Variants in TENM2 observed in about 807,000 individuals in gnomAD.
TENM2 encodes the protein teneurin-2.
A neutral mutation model predicts 245.2 loss-of-function variants in TENM2; 52 were observed. The observed-to-expected ratio is 0.21, with a 90% CI of 0.17 to 0.27. TENM2 has a LOEUF of 0.27. TENM2 is among the 10% of genes least tolerant of loss of function. The pLI, the probability that TENM2 is intolerant of heterozygous loss-of-function variation, is 1.00. For synonymous variants in TENM2, 1,363 were observed against 1,438.9 expected (o/e 0.95, Z 1.19); for missense variants, 3,046 against 3,666.8 (o/e 0.83, Z 4.37).
chr5:167,457,027 C>T (rs1480424618), intron 2 of TENM2, among the ~76,000 whole-genome samples: 2 of 152,164 alleles, frequency 1.3e-5, no homozygotes, highest in East Asian at 3.9e-4. Context: ...CTTCTTCTCA[C>T]CGGCCTTTCT....
chr5:168,149,848 C>T (rs1033833902), intron 12 of TENM2, among the ~76,000 whole-genome samples: 1 of 152,236 alleles, frequency 6.6e-6, no homozygotes, highest in Admixed American at 6.5e-5. Flanking sequence ...CCTCTCTGTC[C>T]TTCCAACACC....
At chr5:167,375,244 A>T (rs1760676781) in exon 2 of TENM2, 7 of 1,551,526 alleles carry the variant, frequency 4.5e-6, no homozygotes, top group Non-Finnish European at 6.1e-6. Context: ...AGCCCTCCCC[A>T]CACCGAAGCG....
At chr5:167,374,121 A>G (rs1760602173) in intron 1 of TENM2, among the ~76,000 whole-genome samples, 1 of 152,210 alleles carries the variant, frequency 6.6e-6, no homozygotes, top group Admixed American at 6.5e-5. Flanking sequence ...CACATTACAT[A>G]TACATACCTA....
chr5:167,967,211 AG>A (rs1288890754), intron 4 of TENM2: 1 of 152,078 alleles, frequency 6.6e-6, no homozygotes, highest in Non-Finnish European at 1.5e-5. Context: ...GATGGAGGCA[AG>A]GGAGGTGGCA....
chr5:168,031,404 A>C (rs1787130213), intron 5 of TENM2, among the ~76,000 whole-genome samples: 1 of 152,316 alleles, frequency 6.6e-6, no homozygotes, highest in East Asian at 1.9e-4. Context: ...GGAATTTCAG[A>C]GATTTTTCTC....
the TENM2 span, among the ~76,000 whole-genome samples, chr5:167,159,180 T>G: frequency 6.6e-6 from 1 of 151,918 alleles, no homozygotes; most frequent in Non-Finnish European, 1.5e-5. Context: ...TGACCTCAGG[T>G]GATCTGCCCA....
chr5:167,937,489 A>G (rs1778816316), intron 3 of TENM2, among the ~76,000 whole-genome samples: 1 of 152,204 alleles, frequency 6.6e-6, no homozygotes. Context: ...CCCACCAGCA[A>G]TGTGTGAGAG....
At chr5:167,135,236 A>G in the TENM2 span, among the ~76,000 whole-genome samples, 2 of 152,214 alleles carry the variant, frequency 1.3e-5, no homozygotes, top group Non-Finnish European at 2.9e-5. Context: ...CACTTTCAAA[A>G]TAGGAAACAT....
chr5:167,968,546 A>G (rs996243907), intron 4 of TENM2, among the ~76,000 whole-genome samples: 1 of 152,214 alleles, frequency 6.6e-6, no homozygotes, highest in South Asian at 2.1e-4. Flanking sequence ...ATACTCCTGT[A>G]AAGGTATTGC....
chr5:167,399,899 T>C (rs998648365), intron 2 of TENM2, among the ~76,000 whole-genome samples: 8 of 151,618 alleles, frequency 5.3e-5, no homozygotes, highest in African/African-American at 2.0e-4. Flanking sequence ...ATAGATCACA[T>C]CTTAAGCTGA....
chr5:167,391,621 T>C (rs1581919540), intron 2 of TENM2, among the ~76,000 whole-genome samples: 1 of 33,324 alleles, frequency 3.0e-5, no homozygotes, highest in Non-Finnish European at 5.1e-5. Flanking sequence ...CAAGACTTCA[T>C]CAAAAAAAAA....
At chr5:167,277,803 C>T in the TENM2 span, among the ~76,000 whole-genome samples, 1 of 150,760 alleles carries the variant, frequency 6.6e-6, no homozygotes, top group South Asian at 2.1e-4. Flanking sequence ...TGTGGTCATA[C>T]ATATTTAGAA....
At chr5:167,850,779 C>T (rs1312137526) in intron 2 of TENM2, among the ~76,000 whole-genome samples, 2 of 152,162 alleles carry the variant, frequency 1.3e-5, no homozygotes, top group African/African-American at 2.4e-5. Flanking sequence ...GGAAAGAAAC[C>T]TGGACCCTCA....
At chr5:167,779,156 GAGCGGT>G (rs1312497551) in intron 2 of TENM2, among the ~76,000 whole-genome samples, 1 of 152,236 alleles carries the variant, frequency 6.6e-6, no homozygotes, top group Non-Finnish European at 1.5e-5. Flanking sequence ...CAGCAGTGGT[GAGCGGT>G]AGCTCTGCCT....
the TENM2 span, among the ~76,000 whole-genome samples, chr5:167,161,627 T>C: frequency 6.6e-6 from 1 of 152,180 alleles, no homozygotes; most frequent in African/African-American, 2.4e-5. Flanking sequence ...TCCGCTTCAG[T>C]ATGCATTAAA....
At chr5:167,614,594 G>A (rs1292216883) in intron 2 of TENM2, among the ~76,000 whole-genome samples, 1 of 152,094 alleles carries the variant, frequency 6.6e-6, no homozygotes, top group African/African-American at 2.4e-5. Context: ...TTGGGAAGTA[G>A]AAAACGCTTT....
At chr5:167,654,838 C>G (rs72821806) in intron 2 of TENM2, among the ~76,000 whole-genome samples, 2,345 of 152,140 alleles carry the variant, frequency 0.015, 32 homozygotes, top group South Asian at 0.047. Flanking sequence ...AATTATACAA[C>G]TCATTATCTA....
the TENM2 span, among the ~76,000 whole-genome samples, chr5:167,017,100 G>A: frequency 1.3e-5 from 2 of 152,138 alleles, no homozygotes; most frequent in African/African-American, 4.8e-5. Flanking sequence ...TTACAGAGGA[G>A]ATAACTGAAC....
chr5:167,112,876 AATAG>A, the TENM2 span, among the ~76,000 whole-genome samples: 1 of 152,234 alleles, frequency 6.6e-6, no homozygotes, highest in African/African-American at 2.4e-5. Flanking sequence ...ATGTGGGCCA[AATAG>A]ATAGAACATC....
Sources: allele counts gnomAD v4.1 joint callset (sites outside exome capture counted in the v4.1 genomes callset), GRCh38; gene constraint gnomAD v4.1.1; transcripts MANE v1.5; gene names NCBI Gene and HGNC (gene_info 2026-07-23, HGNC 2026-07-21).